The following CCDC6 variants were observed in gnomAD, a reference collection of about 807,000 sequenced individuals.
The protein encoded by CCDC6 is coiled-coil domain-containing protein 6.
A neutral mutation model predicts 56.6 loss-of-function variants in CCDC6; 20 were observed. The observed-to-expected ratio is 0.35, with a 90% CI of 0.25 to 0.51. The LOEUF (loss-of-function observed/expected upper bound fraction) is 0.51. Ranked by LOEUF, CCDC6 falls within the 20% of genes least tolerant of loss-of-function variation. CCDC6 has a pLI of 0.95. For missense variants in CCDC6, 367 were observed against 601.1 expected (o/e 0.61, Z 4.07); for synonymous variants, 241 against 234.4 (o/e 1.03, Z -0.26).
At chr10:59,880,523 G>C (rs1369548015) in intron 1 of CCDC6, among the ~76,000 whole-genome samples, 1 of 152,186 alleles carries the variant, frequency 6.6e-6, no homozygotes, top group African/African-American at 2.4e-5. Flanking sequence ...GGCCGGAAGG[G>C]GGCACAGTGG....
intron 2 of CCDC6, among the ~76,000 whole-genome samples, chr10:59,839,799 G>A (rs950670250): frequency 1.5e-4 from 23 of 151,960 alleles, no homozygotes; most frequent in Admixed American, 1.2e-3. Context: ...CTATCCTCTC[G>A]ACGGATGACA....
chr10:59,813,142 G>A (rs2070686402), intron 4 of CCDC6, among the ~76,000 whole-genome samples: 2 of 152,156 alleles, frequency 1.3e-5, no homozygotes, highest in South Asian at 4.1e-4. Context: ...TCAACTTCTT[G>A]GGTTTAGTGC....
chr10:59,836,425 A>T (rs1323206468), intron 2 of CCDC6, among the ~76,000 whole-genome samples: 1 of 152,204 alleles, frequency 6.6e-6, no homozygotes, highest in East Asian at 1.9e-4. Context: ...CATCTTCAAT[A>T]TGGGCAAACT....
intron 1 of CCDC6, among the ~76,000 whole-genome samples, chr10:59,904,645 C>G (rs942896564): frequency 6.6e-6 from 1 of 152,204 alleles, no homozygotes; most frequent in Non-Finnish European, 1.5e-5. Flanking sequence ...AAATTCCCCG[C>G]CCCCCACCTT....
intron 1 of CCDC6, among the ~76,000 whole-genome samples, chr10:59,887,550 A>G (rs769399725): frequency 5.3e-5 from 8 of 152,136 alleles, no homozygotes; most frequent in Non-Finnish European, 1.0e-4. Context: ...AGAACAGAAT[A>G]TAATATCATA....
At chr10:59,868,045 T>C (rs1163773559) in intron 1 of CCDC6, among the ~76,000 whole-genome samples, 1 of 152,214 alleles carries the variant, frequency 6.6e-6, no homozygotes, top group Non-Finnish European at 1.5e-5. Context: ...TCCTGAAGCT[T>C]TGTTACAGGC....
At chr10:59,865,624 C>A (rs751645840) in intron 1 of CCDC6, among the ~76,000 whole-genome samples, 1 of 151,924 alleles carries the variant, frequency 6.6e-6, no homozygotes, top group East Asian at 1.9e-4. Flanking sequence ...GAGGCCGAGG[C>A]GGGCAGATCA....
chr10:59,794,576 G>A lies in CCDC6; in HGVS notation c.1127C>T (p.Thr376Met), dbSNP rs2070497255. ...ISPGLSYASHTVGFTPPTSLT... is the reference protein window; with the variant it reads ...ISPGLSYASHMVGFTPPTSLT... ...TGAAGTTGGTGGCGTGAAACCAACC[G>A]TGTGACTTGCATATGATAGACCTAA... The change falls in exon 8 of 9, where the codon ACG becomes ATG. Residue 376 changes from threonine to methionine, a missense_variant. By Grantham distance (81) the Thr-to-Met change is moderately conservative. This residue lies in a region of CCDC6 where 79 missense variants were observed against 83.9 expected (regional missense o/e 0.94). Transcript: ENST00000263102. 5.0e-6 allele frequency: 8 copies of A among 1,613,628 alleles called. No homozygotes were observed. In the East Asian group the frequency reaches 8.9e-5, roughly 18 times the overall value.
At chr10:59,819,507 T>A (rs1006351926) in intron 3 of CCDC6, among the ~76,000 whole-genome samples, 1 of 152,148 alleles carries the variant, frequency 6.6e-6, no homozygotes, top group South Asian at 2.1e-4. Flanking sequence ...TAATTCCAAA[T>A]CCTATATACT....
chr10:59,791,520 G>A lies in CCDC6; in HGVS notation c.*1397C>T, dbSNP rs1347820781. 1 of 194,936 alleles carries A rather than the reference G, an allele frequency of 5.1e-6. No individual in the cohort carries two copies. Among genetic ancestry groups the A allele is most frequent in the Non-Finnish European group, 1.1e-5 (1 of 93,512 alleles). 12.1% of individuals were successfully genotyped at this position (194,936 alleles called of 1,614,324 possible). On this transcript the variant is annotated 3_prime_UTR_variant, in exon 9 of 9. Transcript: ENST00000263102. ...ATTAGAGATGGTTGTCACAAAACAT[G>A]GACTCTTAAAAATTACTGATAAATT...
intron 1 of CCDC6, among the ~76,000 whole-genome samples, chr10:59,888,751 G>T (rs1250726026): frequency 6.6e-6 from 1 of 152,198 alleles, no homozygotes; most frequent in African/African-American, 2.4e-5. Context: ...ACCATTTATG[G>T]TGAAAGCATT....
chr10:59,868,709 T>C (rs1302742164), intron 1 of CCDC6, among the ~76,000 whole-genome samples: 1 of 152,246 alleles, frequency 6.6e-6, no homozygotes, highest in Non-Finnish European at 1.5e-5. Flanking sequence ...GATGAACACC[T>C]GCTTTCCTTT....
At chr10:59,891,580 C>A (rs759659488) in intron 1 of CCDC6, among the ~76,000 whole-genome samples, 7 of 152,144 alleles carry the variant, frequency 4.6e-5, no homozygotes, top group Non-Finnish European at 1.0e-4. Flanking sequence ...AAGAACCAAC[C>A]ACGGAAGGGA....
chr10:59,869,733 AC>A (rs2071211643), intron 1 of CCDC6, among the ~76,000 whole-genome samples: 1 of 152,048 alleles, frequency 6.6e-6, no homozygotes, highest in Non-Finnish European at 1.5e-5. Context: ...CCACTTTGTT[AC>A]CCTGCTCAAA....
At chr10:59,838,231 C>CAT (rs2132647449) in intron 2 of CCDC6, among the ~76,000 whole-genome samples, 1 of 151,470 alleles carries the variant, frequency 6.6e-6, no homozygotes, top group Non-Finnish European at 1.5e-5. Flanking sequence ...ACAGCTGTCA[C>CAT]ACACACACAC....
At chr10:59,844,944 A>G (rs536112984) in intron 2 of CCDC6, among the ~76,000 whole-genome samples, 3 of 152,286 alleles carry the variant, frequency 2.0e-5, no homozygotes, top group African/African-American at 7.2e-5. Flanking sequence ...TGAGTGGAGG[A>G]AATAGGAAGG....
intron 1 of CCDC6, among the ~76,000 whole-genome samples, chr10:59,897,256 A>ATT (rs953926335): frequency 6.9e-6 from 1 of 145,382 alleles, no homozygotes. Context: ...TATTAGGATA[A>ATT]TTTTTTTTTT....
At chr10:59,861,625 T>C (rs114505958) in intron 1 of CCDC6, among the ~76,000 whole-genome samples, 1,931 of 152,144 alleles carry the variant, frequency 0.013, 47 homozygotes, top group African/African-American at 0.044. Context: ...TTCACTGAGA[T>C]AGAAACCAGA....
intron 2 of CCDC6, among the ~76,000 whole-genome samples, chr10:59,840,192 T>C (rs540078176): frequency 2.0e-5 from 3 of 152,188 alleles, no homozygotes; most frequent in Non-Finnish European, 2.9e-5. Flanking sequence ...CACAGGTACA[T>C]GTAATATGAT....
Sources: gnomAD v4.1 joint callset for allele counts (sites outside exome capture counted in the v4.1 genomes callset) on GRCh38, gnomAD v4.1.1 for gene constraint, gnomAD v4.1.1 regional missense constraint, MANE v1.5 for transcripts, NCBI Gene and HGNC (gene_info 2026-07-23, HGNC 2026-07-21) for gene names.